Variants in RALYL observed in about 807,000 individuals in gnomAD.
The protein encoded by RALYL is RNA-binding Raly-like protein.
In RALYL, 29 loss-of-function variants were observed where a neutral mutation model predicts 35.1. That is an observed-to-expected ratio of 0.83 (90% CI 0.61 to 1.13). The LOEUF is 1.13. RALYL is among the 50% of genes most tolerant of loss of function. The pLI, the probability that RALYL is intolerant of heterozygous loss-of-function variation, is 0.00. For missense variants in RALYL, 359 were observed against 360.4 expected (o/e 1.00, Z 0.03); for synonymous variants, 120 against 127.6 (o/e 0.94, Z 0.40).
chr8:84,688,724 T>C (rs1837359806), intron 2 of RALYL, among the ~76,000 whole-genome samples: 1 of 151,964 alleles, frequency 6.6e-6, no homozygotes, highest in African/African-American at 2.4e-5. Context: ...AGTAGAAAAA[T>C]AGGATTGCAT....
intron 1 of RALYL, among the ~76,000 whole-genome samples, chr8:84,481,635 A>T (rs1374723135): frequency 6.6e-6 from 1 of 152,184 alleles, no homozygotes; most frequent in South Asian, 2.1e-4. Flanking sequence ...ACAACAGCAT[A>T]CTCGGCAATA....
At chr8:84,661,074 G>GC (rs1415695059) in intron 2 of RALYL, among the ~76,000 whole-genome samples, 2 of 151,576 alleles carry the variant, frequency 1.3e-5, no homozygotes, top group Non-Finnish European at 2.9e-5. Context: ...GACTACAGGC[G>GC]CCCCCCACCA....
chr8:84,669,112 A>G (rs1485370569), intron 2 of RALYL, among the ~76,000 whole-genome samples: 1 of 152,198 alleles, frequency 6.6e-6, no homozygotes, highest in African/African-American at 2.4e-5. Context: ...AAATGGTGTA[A>G]TACAGTAATA....
At chr8:84,266,858 G>T (rs1463952098) in intron 1 of RALYL, among the ~76,000 whole-genome samples, 1 of 151,518 alleles carries the variant, frequency 6.6e-6, no homozygotes. Flanking sequence ...TACTCGGGAG[G>T]CTGAGGCAGG....
At chr8:84,377,085 A>G (rs901011840) in intron 1 of RALYL, among the ~76,000 whole-genome samples, 2 of 151,924 alleles carry the variant, frequency 1.3e-5, no homozygotes, top group African/African-American at 4.8e-5. Context: ...CTGATAGACT[A>G]AACAGATATA....
chr8:84,615,626 G>A (rs982774050), intron 2 of RALYL, among the ~76,000 whole-genome samples: 8 of 115,534 alleles, frequency 6.9e-5, no homozygotes, highest in Non-Finnish European at 1.4e-4. Context: ...TTAAGTTTTA[G>A]GGTACATGTG....
At chr8:84,783,949 T>C (rs764486515) in intron 3 of RALYL, among the ~76,000 whole-genome samples, 1 of 152,184 alleles carries the variant, frequency 6.6e-6, no homozygotes, top group East Asian at 1.9e-4. Flanking sequence ...CAGGTTCAGG[T>C]TTCCTGCCTC....
At chr8:84,865,490 C>T (rs983719102) in intron 6 of RALYL, among the ~76,000 whole-genome samples, 5 of 152,072 alleles carry the variant, frequency 3.3e-5, no homozygotes, top group African/African-American at 1.2e-4. Flanking sequence ...AAAATGAATA[C>T]TGATAAGCAT....
intron 1 of RALYL, among the ~76,000 whole-genome samples, chr8:84,191,083 T>TAA (rs1263076333): frequency 1.3e-5 from 2 of 151,650 alleles, no homozygotes; most frequent in African/African-American, 4.9e-5. Context: ...ATTTTTGAAA[T>TAA]AAACTAAATG....
chr8:84,920,927 G>A lies in RALYL; in HGVS notation c.*16G>A, dbSNP rs758451494. 6.9e-7 allele frequency: 1 copy of A among 1,441,606 alleles called. No homozygotes were observed. The highest frequency in any genetic ancestry group is 9.3e-7 in the Non-Finnish European group (1 of 1,079,952). 89.3% of individuals were successfully genotyped at this position (1,441,606 alleles called of 1,614,324 possible). On this transcript the variant is annotated 3_prime_UTR_variant, in exon 9 of 9. Transcript: ENST00000521268. Reference sequence around the variant, plus strand: ...GATAAAGTGATCTGAAATAACGCATGATGCCACAAAGCAGAAAAGAGAAAC... The same window carrying A: ...GATAAAGTGATCTGAAATAACGCATAATGCCACAAAGCAGAAAAGAGAAAC...
chr8:84,506,479 T>C (rs2057175122), intron 1 of RALYL, among the ~76,000 whole-genome samples: 1 of 152,086 alleles, frequency 6.6e-6, no homozygotes, highest in Admixed American at 6.6e-5. Context: ...ATTACTGTTT[T>C]CTAAAATGCT....
At chr8:84,833,658 A>G (rs1831377080) in intron 4 of RALYL, among the ~76,000 whole-genome samples, 1 of 150,980 alleles carries the variant, frequency 6.6e-6, no homozygotes, top group Non-Finnish European at 1.5e-5. Flanking sequence ...AAAAAAAAAA[A>G]GAAAGAAAGA....
At chr8:84,303,782 A>G (rs1841259838) in intron 1 of RALYL, among the ~76,000 whole-genome samples, 1 of 152,190 alleles carries the variant, frequency 6.6e-6, no homozygotes, top group Admixed American at 6.5e-5. Context: ...AATATATCAC[A>G]TGCATGCCTC....
intron 1 of RALYL, among the ~76,000 whole-genome samples, chr8:84,210,911 G>A (rs1435038678): frequency 6.6e-6 from 1 of 151,998 alleles, no homozygotes; most frequent in African/African-American, 2.4e-5. Context: ...TGAATGACTA[G>A]CATAATCTCC....
At chr8:84,345,647 T>C (rs1385373243) in intron 1 of RALYL, among the ~76,000 whole-genome samples, 1 of 152,024 alleles carries the variant, frequency 6.6e-6, no homozygotes, top group Admixed American at 6.6e-5. Flanking sequence ...TCCCTCTCAT[T>C]TTCATTTCTC....
At chr8:84,430,738 T>A (rs1438703225) in intron 1 of RALYL, among the ~76,000 whole-genome samples, 5 of 152,108 alleles carry the variant, frequency 3.3e-5, no homozygotes, top group Non-Finnish European at 5.9e-5. Context: ...CCTTACTAGA[T>A]AGCTTCAGAA....
chr8:84,634,365 A>G (rs1588653705), intron 2 of RALYL, among the ~76,000 whole-genome samples: 1 of 151,780 alleles, frequency 6.6e-6, no homozygotes, highest in African/African-American at 2.4e-5. Context: ...CCGATGAACC[A>G]CTATATTTTC....
At chr8:84,193,180 A>G (rs1814408746) in intron 1 of RALYL, among the ~76,000 whole-genome samples, 1 of 152,152 alleles carries the variant, frequency 6.6e-6, no homozygotes, top group Admixed American at 6.5e-5. Flanking sequence ...GTTTAATGTT[A>G]AATTGTGGGA....
intron 1 of RALYL, among the ~76,000 whole-genome samples, chr8:84,463,762 G>A (rs1200068300): frequency 6.6e-6 from 1 of 151,958 alleles, no homozygotes; most frequent in Non-Finnish European, 1.5e-5. Context: ...GGTTTACTGG[G>A]AAATAATTTA....
Sources: gnomAD v4.1 joint callset for allele counts (sites outside exome capture counted in the v4.1 genomes callset) on GRCh38, gnomAD v4.1.1 for gene constraint, MANE v1.5 for transcripts, NCBI Gene and HGNC (gene_info 2026-07-23, HGNC 2026-07-21) for gene names.